EPHA6: variants seen among roughly 807,000 people sequenced by gnomAD.
EPHA6 encodes EPH receptor A6.
In EPHA6, 50 loss-of-function variants were observed where a neutral mutation model predicts 112.0. That is an observed-to-expected ratio of 0.45 (90% CI 0.36 to 0.56). The LOEUF is 0.56. Ranked by LOEUF, EPHA6 falls within the 20% of genes least tolerant of loss-of-function variation. EPHA6 has a pLI of 0.00. For missense variants in EPHA6, 1,280 were observed against 1,417.4 expected, an observed-to-expected ratio of 0.90 and a Z score of 1.56; for synonymous variants, 529 against 490.7, an observed-to-expected ratio of 1.08 and a Z score of -1.03.
At chr3:97,352,343 G>A (rs2083855251) in intron 5 of EPHA6, among the ~76,000 whole-genome samples, 1 of 152,112 alleles carries the variant, frequency 6.6e-6, no homozygotes, top group African/African-American at 2.4e-5. Context: ...AAAATCAGGT[G>A]AGCGATTACA....
chr3:97,000,851 C>G (rs1251136369), intron 3 of EPHA6, among the ~76,000 whole-genome samples: 1 of 150,544 alleles, frequency 6.6e-6, no homozygotes, highest in African/African-American at 2.4e-5. Context: ...AATTTGGGGC[C>G]TGATTTTTAG....
chr3:97,128,772 G>A (rs1317715092), intron 3 of EPHA6, among the ~76,000 whole-genome samples: 2 of 151,908 alleles, frequency 1.3e-5, no homozygotes, highest in African/African-American at 4.8e-5. Flanking sequence ...TGCCCACCTT[G>A]GCCTCCCAAA....
At chr3:97,512,936 A>G (rs2092390915) in intron 10 of EPHA6, among the ~76,000 whole-genome samples, 1 of 152,152 alleles carries the variant, frequency 6.6e-6, no homozygotes, top group Non-Finnish European at 1.5e-5. Flanking sequence ...ACATTCTCCC[A>G]TACTGGGGTA....
intron 12 of EPHA6, 143 bp from the exon 13 acceptor site, chr3:97,610,650 T>A: frequency 1.5e-6 from 1 of 681,796 alleles, no homozygotes. Flanking sequence ...ATAATATGAA[T>A]ACGTTTATAG....
intron 15 of EPHA6, among the ~76,000 whole-genome samples, chr3:97,724,445 T>C (rs1253592170): frequency 6.6e-6 from 1 of 152,120 alleles, no homozygotes; most frequent in East Asian, 1.9e-4. Flanking sequence ...ACCAAATGTG[T>C]ATGTGGGGTG....
intron 14 of EPHA6, among the ~76,000 whole-genome samples, chr3:97,704,323 A>G (rs951102214): frequency 2.0e-5 from 3 of 152,184 alleles, no homozygotes; most frequent in African/African-American, 7.2e-5. Flanking sequence ...ATGGGTGGGT[A>G]TCACCCAATC....
intron 14 of EPHA6, among the ~76,000 whole-genome samples, chr3:97,673,304 G>A (rs1302844829): frequency 6.6e-6 from 1 of 152,192 alleles, no homozygotes; most frequent in Non-Finnish European, 1.5e-5. Flanking sequence ...AAAAAAGGAA[G>A]AAGCAGAGGC....
chr3:97,143,115 A>G (rs2075953093), intron 3 of EPHA6, among the ~76,000 whole-genome samples: 1 of 151,804 alleles, frequency 6.6e-6, no homozygotes, highest in African/African-American at 2.4e-5. Flanking sequence ...CCATACATCA[A>G]TAATTTTCAA....
At chr3:97,674,820 T>A (rs902996934) in intron 14 of EPHA6, among the ~76,000 whole-genome samples, 4 of 152,214 alleles carry the variant, frequency 2.6e-5, no homozygotes, top group Non-Finnish European at 4.4e-5. Context: ...TCTACATCTT[T>A]CCCCTTCTCT....
At chr3:97,352,616 G>A (rs1228272137) in intron 5 of EPHA6, among the ~76,000 whole-genome samples, 1 of 152,148 alleles carries the variant, frequency 6.6e-6, no homozygotes, top group Non-Finnish European at 1.5e-5. Context: ...CTAGCTAGAG[G>A]GGAGGTGTCC....
chr3:97,040,949 C>A (rs1351700292), intron 3 of EPHA6, among the ~76,000 whole-genome samples: 7 of 152,068 alleles, frequency 4.6e-5, no homozygotes, highest in African/African-American at 7.2e-5. Flanking sequence ...TTATAGGAAT[C>A]TTTACCCTTA....
rs762397948 is a variant in EPHA6 at position 96,987,918 on chromosome 3, G to A, written c.1039G>A (p.Asp347Asn). ...CACTCCTAAACTGTATTGTGGAGCTGATGGAGATTGGCTGGTTCCTCTTGG... is the reference window on the plus strand; with the variant it reads ...CACTCCTAAACTGTATTGTGGAGCTAATGGAGATTGGCTGGTTCCTCTTGG... The part of the protein sequence containing the change: ...RDTPKLYCGA[D>N]GDWLVPLGRC... The change falls in exon 3 of 18, where the codon GAT becomes AAT. Residue 347 changes from aspartate to asparagine, a missense_variant. This residue lies in a region of EPHA6 where 878 missense variants were observed against 999.7 expected (regional missense o/e 0.88). Transcript: ENST00000389672. 7 of 1,613,584 alleles carry A rather than the reference G, an allele frequency of 4.3e-6. No homozygotes were observed. The East Asian group carries it at 1.6e-4, about 36-fold the overall frequency.
At chr3:97,221,800 C>T (rs1451959676) in intron 3 of EPHA6, among the ~76,000 whole-genome samples, 3 of 151,856 alleles carry the variant, frequency 2.0e-5, no homozygotes, top group East Asian at 1.9e-4. Flanking sequence ...GGGAGGCCGA[C>T]GCAGGTGGAT....
intron 11 of EPHA6, among the ~76,000 whole-genome samples, chr3:97,573,880 T>A (rs2093357767): frequency 6.6e-6 from 1 of 151,524 alleles, no homozygotes; most frequent in South Asian, 2.1e-4. Context: ...TTAATATTAA[T>A]CAAGAAAGCC....
At chr3:97,063,886 G>A (rs2046102408) in intron 3 of EPHA6, among the ~76,000 whole-genome samples, 1 of 152,034 alleles carries the variant, frequency 6.6e-6, no homozygotes, top group African/African-American at 2.4e-5. Context: ...TACAAAACAA[G>A]CAATGAAGAA....
intron 2 of EPHA6, among the ~76,000 whole-genome samples, chr3:96,871,480 C>T (rs559343084): frequency 6.6e-6 from 1 of 151,860 alleles, no homozygotes; most frequent in Non-Finnish European, 1.5e-5. Flanking sequence ...TTTGCTTTTT[C>T]CAGAATCATG....
intron 2 of EPHA6, among the ~76,000 whole-genome samples, chr3:96,929,562 T>C (rs1358851583): frequency 1.3e-5 from 2 of 152,212 alleles, no homozygotes; most frequent in African/African-American, 2.4e-5. Context: ...CCCAGTCTCT[T>C]CTGGCTTGTA....
At chr3:97,654,337 A>G (rs942296018) in intron 14 of EPHA6, among the ~76,000 whole-genome samples, 5 of 151,956 alleles carry the variant, frequency 3.3e-5, no homozygotes, top group African/African-American at 1.2e-4. Context: ...AAGTAATTAC[A>G]ATCTGAGATT....
chr3:96,879,845 A>G (rs940499744), intron 2 of EPHA6, among the ~76,000 whole-genome samples: 2 of 151,998 alleles, frequency 1.3e-5, no homozygotes, highest in Non-Finnish European at 2.9e-5. Flanking sequence ...CAATTTGTGT[A>G]CTCGATTTTG....
Sources: allele counts gnomAD v4.1 joint callset (sites outside exome capture counted in the v4.1 genomes callset), GRCh38; gene constraint gnomAD v4.1.1; regional missense constraint gnomAD v4.1.1; transcripts MANE v1.5; gene names NCBI Gene and HGNC (gene_info 2026-07-23, HGNC 2026-07-21).